Variants in DCDC1 observed in about 807,000 individuals in gnomAD.
DCDC1 encodes doublecortin domain containing 1.
In DCDC1, 200 loss-of-function variants were observed where a neutral mutation model predicts 178.3. The ratio of observed to expected loss-of-function variants is 1.12; its 90% CI spans 1.00 to 1.26. The LOEUF (loss-of-function observed/expected upper bound fraction) is 1.26. DCDC1 is among the 50% of genes most tolerant of loss of function. The pLI, the probability that DCDC1 is intolerant of heterozygous loss-of-function variation, is 0.00. For missense variants in DCDC1, 1,983 were observed against 1,749.2 expected (o/e 1.13, Z -2.38); for synonymous variants, 690 against 604.8 (o/e 1.14, Z -2.07).
At chr11:31,089,351 C>T (rs1261412523) in intron 17 of DCDC1, among the ~76,000 whole-genome samples, 1 of 152,134 alleles carries the variant, frequency 6.6e-6, no homozygotes, top group African/African-American at 2.4e-5. Context: ...GTTCTCTCTG[C>T]TTTTAAGATT....
intron 9 of DCDC1, among the ~76,000 whole-genome samples, chr11:31,166,030 T>C (rs1966751587): frequency 6.6e-6 from 1 of 152,218 alleles, no homozygotes. Flanking sequence ...GTTTAACCCA[T>C]TAATTTCCTA....
At chr11:31,308,021 T>C (rs1178383472) in intron 3 of DCDC1, 113 bp from the exon 4 acceptor site, 1 of 1,378,618 alleles carries the variant, frequency 7.3e-7, no homozygotes, top group East Asian at 2.4e-5. Context: ...ACTACACACT[T>C]AGCCATTATT....
intron 20 of DCDC1, among the ~76,000 whole-genome samples, chr11:31,049,972 G>A (rs149793246): frequency 9.2e-5 from 14 of 152,278 alleles, no homozygotes; most frequent in South Asian, 4.2e-4. Context: ...GCTGAACTTC[G>A]TAAAAATTTG....
intron 9 of DCDC1, among the ~76,000 whole-genome samples, chr11:31,214,504 A>C (rs1258744478): frequency 6.6e-6 from 1 of 152,120 alleles, no homozygotes; most frequent in East Asian, 1.9e-4. Flanking sequence ...GATGGGTAAA[A>C]TCCTCAGTGT....
chr11:31,082,148 G>C (rs535785997), intron 17 of DCDC1, among the ~76,000 whole-genome samples: 1 of 152,190 alleles, frequency 6.6e-6, no homozygotes, highest in African/African-American at 2.4e-5. Context: ...GAAAATGGAG[G>C]AGCTATATTC....
intron 20 of DCDC1, among the ~76,000 whole-genome samples, chr11:31,039,660 AT>A (rs1954304122): frequency 6.6e-6 from 1 of 152,194 alleles, no homozygotes; most frequent in Non-Finnish European, 1.5e-5. Context: ...TAAAGTTCCT[AT>A]GGAACAACAA....
intron 21 of DCDC1, among the ~76,000 whole-genome samples, chr11:30,945,743 T>G (rs1947991639): frequency 7.6e-6 from 1 of 131,842 alleles, no homozygotes; most frequent in South Asian, 2.1e-4. Context: ...TATCTATCTA[T>G]CTATCTGTCT....
At chr11:30,954,722 G>A (rs1228926738) in intron 20 of DCDC1, among the ~76,000 whole-genome samples, 1 of 152,186 alleles carries the variant, frequency 6.6e-6, no homozygotes, top group Non-Finnish European at 1.5e-5. Context: ...GAGAGTGCAG[G>A]AGCAGTGCAT....
intron 14 of DCDC1, 133 bp downstream of exon 14, chr11:31,103,511 A>C (rs1021441230): frequency 1.3e-5 from 7 of 550,098 alleles, no homozygotes; most frequent in Non-Finnish European, 2.2e-5. Context: ...AGTCAATAAA[A>C]GAAACAATTG....
chr11:31,161,111 C>A (rs1966281284), intron 9 of DCDC1, among the ~76,000 whole-genome samples: 1 of 152,128 alleles, frequency 6.6e-6, no homozygotes, highest in Non-Finnish European at 1.5e-5. Flanking sequence ...CCTGACCCAG[C>A]CTGTGAAGCT....
At chr11:31,208,608 G>A (rs1278009387) in intron 9 of DCDC1, among the ~76,000 whole-genome samples, 2 of 152,136 alleles carry the variant, frequency 1.3e-5, no homozygotes, top group African/African-American at 4.8e-5. Flanking sequence ...TACTTTCCAA[G>A]AGTAAAAAAG....
intron 8 of DCDC1, chr11:31,262,833 C>T: frequency 2.4e-6 from 1 of 417,684 alleles, no homozygotes; most frequent in South Asian, 8.2e-5. Context: ...ACTGGAAGTT[C>T]CTCCAACAGG....
At position 31,094,197 on chromosome 11, in the gene DCDC1, A is replaced by G. The variant is rs1957995648; in HGVS notation, c.1984-13T>C. On this transcript the variant is annotated splice_polypyrimidine_tract_variant and intron_variant, in intron 15 of 38. Coordinates refer to ENST00000684477, the MANE Select transcript of DCDC1 (RefSeq NM_001387274.1). The stretch of plus-strand genomic sequence containing the variant: ...TATTGGGATCTACCTGTATCATAAG[A>G]AGAAGTATGCATTTTTAACTCATAG... 1.3e-6 allele frequency: 1 copy of G among 765,882 alleles called. No individual in the cohort carries two copies. Among genetic ancestry groups the G allele is most frequent in the Non-Finnish European group, 2.4e-6 (1 of 417,604 alleles). 47.4% of individuals were successfully genotyped at this position (765,882 alleles called of 1,614,324 possible).
chr11:31,159,165 ATAAT>A (rs1966058609), intron 9 of DCDC1, among the ~76,000 whole-genome samples: 1 of 152,218 alleles, frequency 6.6e-6, no homozygotes, highest in Non-Finnish European at 1.5e-5. Flanking sequence ...TTATTGTCAA[ATAAT>A]TAATAAAGCA....
At chr11:31,127,726 G>C (rs920980417) in intron 10 of DCDC1, 87 bp from the exon 11 acceptor site, 2 of 638,922 alleles carry the variant, frequency 3.1e-6, no homozygotes, top group East Asian at 5.5e-5. Context: ...AGCTTGATGG[G>C]GGGAAAATGA....
chr11:31,225,708 G>C (rs1974857841), intron 9 of DCDC1, among the ~76,000 whole-genome samples: 1 of 149,050 alleles, frequency 6.7e-6, no homozygotes, highest in African/African-American at 2.5e-5. Flanking sequence ...TATATATCTA[G>C]GTAGATATAT....
intron 17 of DCDC1, among the ~76,000 whole-genome samples, chr11:31,085,168 T>A (rs1384462684): frequency 6.9e-6 from 1 of 145,066 alleles, no homozygotes. Context: ...TTTTTAAGGT[T>A]TTTTTTTTTA....
intron 11 of DCDC1, among the ~76,000 whole-genome samples, chr11:31,115,135 CTG>C (rs1959687936): frequency 6.6e-6 from 1 of 152,100 alleles, no homozygotes; most frequent in African/African-American, 2.4e-5. Flanking sequence ...ATTTTATTGA[CTG>C]TGAAGATTTT....
intron 6 of DCDC1, among the ~76,000 whole-genome samples, chr11:31,303,613 T>C (rs1352293839): frequency 3.3e-5 from 5 of 152,162 alleles, no homozygotes; most frequent in African/African-American, 1.2e-4. Context: ...AAGTTAAATA[T>C]TATCTTTCAT....
Sources: gnomAD v4.1 joint callset for allele counts (sites outside exome capture counted in the v4.1 genomes callset) on GRCh38, gnomAD v4.1.1 for gene constraint, MANE v1.5 for transcripts, NCBI Gene and HGNC (gene_info 2026-07-23, HGNC 2026-07-21) for gene names.